C1QTNF7: variants seen among roughly 807,000 people sequenced by gnomAD.
C1QTNF7 encodes complement C1q tumor necrosis factor-related protein 7.
In C1QTNF7, 15 loss-of-function variants were observed where a neutral mutation model predicts 19.6. The observed-to-expected ratio is 0.76, with a 90% CI of 0.51 to 1.18. The LOEUF (loss-of-function observed/expected upper bound fraction) is 1.18, where lower values mean the gene tolerates loss of function less well. Among genes scored for constraint, C1QTNF7 ranks in the 50% most tolerant of loss-of-function variants. The probability of loss-of-function intolerance (pLI) is 0.00; values close to 1 mark genes in which losing one functional copy is unlikely to be tolerated. For synonymous variants in C1QTNF7, 142 were observed against 137.5 expected (o/e 1.03, Z -0.23); for missense variants, 324 against 359.7 (o/e 0.90, Z 0.80).
intron 1 of C1QTNF7, among the ~76,000 whole-genome samples, chr4:15,357,969 T>C (rs1030313274): frequency 6.6e-6 from 1 of 152,224 alleles, no homozygotes; most frequent in Non-Finnish European, 1.5e-5. Context: ...GTTTATCAGC[T>C]TAAGGAGATT....
chr4:15,415,620 C>CATACATAT (rs1553889981), intron 1 of C1QTNF7, among the ~76,000 whole-genome samples: 3 of 146,862 alleles, frequency 2.0e-5, no homozygotes, highest in Non-Finnish European at 4.5e-5. Context: ...TTATTTGATG[C>CATACATAT]ATATATATAT....
chr4:15,414,756 A>G (rs1719529516), intron 1 of C1QTNF7, among the ~76,000 whole-genome samples: 1 of 152,194 alleles, frequency 6.6e-6, no homozygotes, highest in South Asian at 2.1e-4. Flanking sequence ...AAAACATAGC[A>G]TCAGTCACTC....
chr4:15,349,293 T>A (rs1176475833), intron 1 of C1QTNF7, among the ~76,000 whole-genome samples: 5 of 152,196 alleles, frequency 3.3e-5, no homozygotes, highest in Non-Finnish European at 5.9e-5. Flanking sequence ...TCTCTCTTCA[T>A]CTTTTTTGTA....
At chr4:15,368,131 T>C (rs1265916018) in intron 1 of C1QTNF7, among the ~76,000 whole-genome samples, 1 of 152,192 alleles carries the variant, frequency 6.6e-6, no homozygotes, top group African/African-American at 2.4e-5. Context: ...CTTAGTTGCA[T>C]TTTCTAGACT....
upstream of C1QTNF7, among the ~76,000 whole-genome samples, chr4:15,423,416 A>C (rs1349594582): frequency 6.6e-6 from 1 of 152,172 alleles, no homozygotes; most frequent in African/African-American, 2.4e-5. Context: ...CCTTTTTTAA[A>C]TATGCAAACT....
At chr4:15,398,078 T>C (rs1486317009) in intron 1 of C1QTNF7, among the ~76,000 whole-genome samples, 1 of 152,188 alleles carries the variant, frequency 6.6e-6, no homozygotes, top group Non-Finnish European at 1.5e-5. Flanking sequence ...ATCTAGTTTT[T>C]CATTCATTTT....
intron 1 of C1QTNF7, among the ~76,000 whole-genome samples, chr4:15,360,002 G>A (rs1717279650): frequency 1.3e-5 from 2 of 152,220 alleles, no homozygotes; most frequent in South Asian, 4.1e-4. Flanking sequence ...TCTAGGCAGA[G>A]TTAGACCTGA....
chr4:15,350,026 G>A (rs1047941456), intron 1 of C1QTNF7, among the ~76,000 whole-genome samples: 2 of 148,834 alleles, frequency 1.3e-5, no homozygotes, highest in Admixed American at 6.7e-5. Context: ...AGGAAGGGAG[G>A]AAGGGAGGGA....
intron 2 of C1QTNF7, among the ~76,000 whole-genome samples, chr4:15,439,233 G>A (rs1712654997): frequency 6.6e-6 from 1 of 152,154 alleles, no homozygotes; most frequent in Non-Finnish European, 1.5e-5. Flanking sequence ...CATTATTACA[G>A]CTAGTCCATG....
intron 1 of C1QTNF7, among the ~76,000 whole-genome samples, chr4:15,351,674 G>C (rs1423625316): frequency 6.6e-6 from 1 of 152,164 alleles, no homozygotes; most frequent in African/African-American, 2.4e-5. Flanking sequence ...AGCTCCTCAG[G>C]TGATTCTAAT....
At chr4:15,378,809 G>A (rs904417627) in intron 1 of C1QTNF7, among the ~76,000 whole-genome samples, 1 of 152,182 alleles carries the variant, frequency 6.6e-6, no homozygotes, top group South Asian at 2.1e-4. Context: ...AACAATCCAG[G>A]GTCTGAAATG....
At chr4:15,340,122 A>G in exon 1 of C1QTNF7, 1 of 1,496,132 alleles carries the variant, frequency 6.7e-7, no homozygotes, top group East Asian at 2.5e-5. Flanking sequence ...TTAAATTTTT[A>G]ATAGTTAACT....
intron 1 of C1QTNF7, 108 bp from the exon 2 acceptor site, chr4:15,435,628 G>C: frequency 6.8e-7 from 1 of 1,471,406 alleles, no homozygotes; most frequent in Non-Finnish European, 9.2e-7. Context: ...GAACACTGGA[G>C]TGATTTGTTG....
intron 1 of C1QTNF7, among the ~76,000 whole-genome samples, chr4:15,432,835 T>C (rs1444337114): frequency 6.6e-6 from 1 of 152,238 alleles, no homozygotes; most frequent in East Asian, 1.9e-4. Context: ...AAGCAATCTA[T>C]TTATTCAATG....
chr4:15,380,644 G>T (rs1335246371), intron 1 of C1QTNF7, among the ~76,000 whole-genome samples: 1 of 152,190 alleles, frequency 6.6e-6, no homozygotes. Flanking sequence ...TTTAAAAAAG[G>T]TATGGGGAGG....
chr4:15,355,114 A>C (rs1717088546), intron 1 of C1QTNF7, among the ~76,000 whole-genome samples: 1 of 152,170 alleles, frequency 6.6e-6, no homozygotes, highest in Non-Finnish European at 1.5e-5. Flanking sequence ...GCTCAGTTGC[A>C]GAATAGCAAT....
chr4:15,440,829 G>T (rs905989968), intron 2 of C1QTNF7, among the ~76,000 whole-genome samples: 16 of 152,152 alleles, frequency 1.1e-4, no homozygotes, highest in African/African-American at 3.6e-4. Context: ...CTATGTGCCA[G>T]ATGCGCTTTC....
At chr4:15,403,130 C>G (rs1004453609) in intron 1 of C1QTNF7, among the ~76,000 whole-genome samples, 3 of 152,104 alleles carry the variant, frequency 2.0e-5, no homozygotes, top group African/African-American at 7.2e-5. Flanking sequence ...GTCTCTGAGT[C>G]CCATGCTTCC....
chr4:15,425,255 G>C (rs906933915), upstream of C1QTNF7, among the ~76,000 whole-genome samples: 2 of 152,124 alleles, frequency 1.3e-5, no homozygotes, highest in Non-Finnish European at 2.9e-5. Flanking sequence ...CTACTGATAT[G>C]CTCATTCAGT....
Sources: allele counts gnomAD v4.1 joint callset (sites outside exome capture counted in the v4.1 genomes callset), GRCh38; gene constraint gnomAD v4.1.1; transcripts MANE v1.5; gene names NCBI Gene and HGNC (gene_info 2026-07-23, HGNC 2026-07-21).